The following AMPD3 variants were observed in gnomAD, a reference collection of about 807,000 sequenced individuals.
AMPD3 encodes AMP deaminase 3.
Under a neutral mutation model 82.3 loss-of-function variants are expected in AMPD3, and 57 were observed. The ratio of observed to expected loss-of-function variants is 0.69; its 90% CI spans 0.56 to 0.86. AMPD3 has a LOEUF of 0.86. Ranked by LOEUF, AMPD3 falls within the 40% of genes least tolerant of loss-of-function variation. AMPD3 has a pLI of 0.00. For missense variants in AMPD3, 870 were observed against 1,003.8 expected (o/e 0.87, Z 1.80); for synonymous variants, 381 against 394.7 (o/e 0.97, Z 0.41).
intron 1 of AMPD3, chr11:10,460,948 G>A (rs1437111164): frequency 1.5e-5 from 15 of 985,274 alleles, no homozygotes; most frequent in African/African-American, 1.7e-5. Flanking sequence ...GTCTTGTTAG[G>A]AGGTTCCAGA....
chr11:10,461,272 G>T (rs1483368922), intron 1 of AMPD3: 1 of 1,461,302 alleles, frequency 6.8e-7, no homozygotes, highest in Non-Finnish European at 9.1e-7. Flanking sequence ...TAGTTGAACA[G>T]TTCATTCTTT....
At chr11:10,461,406 A>G (rs138271082) in intron 1 of AMPD3, 109 bp from the exon 2 acceptor site, 4 of 1,602,980 alleles carry the variant, frequency 2.5e-6, no homozygotes, top group Middle Eastern at 2.1e-4. Flanking sequence ...CTAAGTAGAC[A>G]GCTGACCCCA....
At chr11:10,479,533 C>T (rs748072489) in intron 3 of AMPD3, among the ~76,000 whole-genome samples, 1 of 152,196 alleles carries the variant, frequency 6.6e-6, no homozygotes, top group Non-Finnish European at 1.5e-5. Context: ...TAATGGAGAA[C>T]ACTTGCAGAT....
At chr11:10,497,730 G>A in intron 10 of AMPD3, 1 of 985,300 alleles carries the variant, frequency 1.0e-6, no homozygotes, top group South Asian at 4.7e-5. Context: ...GCTGGAGGTG[G>A]GGGCAGGGGT....
chr11:10,501,641 G>A (rs952050236), intron 12 of AMPD3, 51 bp downstream of exon 12: 1 of 1,613,714 alleles, frequency 6.2e-7, no homozygotes, highest in East Asian at 2.2e-5. Context: ...CCTGCCCTGG[G>A]CTCCTGGGAG....
At chr11:10,489,323 T>G (rs1849172917) in intron 6 of AMPD3, among the ~76,000 whole-genome samples, 1 of 152,206 alleles carries the variant, frequency 6.6e-6, no homozygotes, top group African/African-American at 2.4e-5. Context: ...GTGAATGCTC[T>G]GGGCTTACCT....
rs765920579 is a variant in AMPD3, at chr11:10,461,747, T to A, written c.221+7T>A. 1 of 1,600,338 alleles carries A rather than the reference T, an allele frequency of 6.2e-7. No homozygotes were observed. On this transcript the variant is annotated splice_region_variant and intron_variant, in intron 2 of 14. Coordinates refer to ENST00000396553, the MANE Select transcript of AMPD3 (RefSeq NM_001025389.2). ...CTGTGGAGACCGCAAAAAGGTTTGT[T>A]CCCAAGGCATGGTTTTCGTGTACAT...
At chr11:10,451,619 G>A (rs995921148), upstream of AMPD3, among the ~76,000 whole-genome samples, 1 of 152,202 alleles carries the variant, frequency 6.6e-6, no homozygotes, top group Non-Finnish European at 1.5e-5. Context: ...GGAGAGTTTT[G>A]AGAGGCCTTG....
chr11:10,472,467 T>C (rs1032950802), intron 2 of AMPD3, among the ~76,000 whole-genome samples: 2 of 152,036 alleles, frequency 1.3e-5, no homozygotes, highest in African/African-American at 2.4e-5. Context: ...AATTAGGATA[T>C]AGAGGGAAAA....
chr11:10,501,134 CTG>C (rs1849568187), intron 11 of AMPD3: 18 of 985,394 alleles, frequency 1.8e-5, no homozygotes, highest in Non-Finnish European at 1.9e-5. Context: ...AGGTCAGACT[CTG>C]TGGTTTCTCA....
intron 4 of AMPD3, among the ~76,000 whole-genome samples, chr11:10,482,689 ATATAT>A (rs1306662847): frequency 7.2e-5 from 1 of 13,866 alleles, no homozygotes; most frequent in African/African-American, 3.6e-4. Flanking sequence ...TTAAAAAAAT[ATATAT>A]TATTATGTTT....
rs1241365977 is a variant in AMPD3, at chr11:10,506,754, A to T, written c.*870A>T. The T allele has an allele frequency of 1.3e-5, 2 of 152,242 alleles. No individual in the cohort carries two copies. 9.4% of individuals were successfully genotyped at this position (152,242 alleles called of 1,614,324 possible). ...ATGCTACAACTGTAGGCCAATTATC[A>T]CTTTACCAATTAAGAGTTAGGCCAG... On this transcript the variant is annotated 3_prime_UTR_variant, in exon 15 of 15. Transcript: ENST00000396553. The surrounding 1 kb of genome is among the most constrained non-coding windows in gnomAD (Gnocchi z 4.1).
chr11:10,457,033 G>A (rs1027513342), intron 1 of AMPD3, among the ~76,000 whole-genome samples: 3 of 147,212 alleles, frequency 2.0e-5, no homozygotes, highest in Non-Finnish European at 3.0e-5. Context: ...GCTGGAGTAC[G>A]GTGGTGCCAT....
chr11:10,504,485 C>A, intron 13 of AMPD3, 64 bp from the exon 14 acceptor site: 1 of 1,488,992 alleles, frequency 6.7e-7, no homozygotes, highest in Non-Finnish European at 9.4e-7. Flanking sequence ...TAGCTTTGGA[C>A]ATGTGTGAAC....
intron 2 of AMPD3, among the ~76,000 whole-genome samples, chr11:10,466,629 A>G (rs1028123660): frequency 3.9e-5 from 6 of 152,146 alleles, no homozygotes; most frequent in Non-Finnish European, 8.8e-5. Context: ...GCAGACATAA[A>G]TGTCCCTGCC....
upstream of AMPD3, among the ~76,000 whole-genome samples, chr11:10,452,317 C>T (rs533197995): frequency 6.6e-6 from 1 of 152,260 alleles, no homozygotes; most frequent in South Asian, 2.1e-4. Flanking sequence ...TCCCCTAAAG[C>T]TGCCCATTGG....
At chr11:10,494,404 G>A (rs2133921425) in intron 7 of AMPD3, 2 of 273,754 alleles carry the variant, frequency 7.3e-6, no homozygotes, top group East Asian at 1.8e-4. Context: ...GAAATGGTTA[G>A]TGGTGATGGT....
At chr11:10,500,014 G>C (rs1345784996) in intron 10 of AMPD3, 72 bp from the exon 11 acceptor site, 8 of 1,600,976 alleles carry the variant, frequency 5.0e-6, no homozygotes, top group African/African-American at 1.3e-5. Context: ...GCAGCTATGA[G>C]CTCTGGGAGG....
chr11:10,477,860 T>A (rs926688499), intron 2 of AMPD3: 1 of 984,656 alleles, frequency 1.0e-6, no homozygotes, highest in Admixed American at 6.1e-5. Context: ...ATCTTGCAGA[T>A]CTCCTTGGCA....
Sources: allele counts gnomAD v4.1 joint callset (sites outside exome capture counted in the v4.1 genomes callset), GRCh38; gene constraint gnomAD v4.1.1; non-coding constraint Gnocchi (gnomAD v3.1); transcripts MANE v1.5; gene names NCBI Gene and HGNC (gene_info 2026-07-23, HGNC 2026-07-21).